ATP2C2: variants seen among roughly 807,000 people sequenced by gnomAD.
ATP2C2 encodes the protein calcium-transporting ATPase type 2C member 2.
Under a neutral mutation model 110.8 loss-of-function variants are expected in ATP2C2, and 171 were observed. The observed-to-expected ratio is 1.54, with a 90% CI of 1.36 to 1.75. The LOEUF is 1.75. Among genes scored for constraint, ATP2C2 ranks in the 40% most tolerant of loss-of-function variants. The pLI is 0.00. For missense variants in ATP2C2, 1,963 were observed against 1,235.0 expected, an observed-to-expected ratio of 1.59 and a Z score of -8.84; for synonymous variants, 804 against 508.4, an observed-to-expected ratio of 1.58 and a Z score of -7.82.
At chr16:84,434,288 C>T (rs960376125) in intron 11 of ATP2C2, among the ~76,000 whole-genome samples, 2 of 150,948 alleles carry the variant, frequency 1.3e-5, no homozygotes, top group Admixed American at 6.6e-5. Flanking sequence ...TGGTGGTGGG[C>T]GCCTGTAGTC....
At chr16:84,412,108 G>A (rs992834953) in intron 6 of ATP2C2, among the ~76,000 whole-genome samples, 1 of 151,976 alleles carries the variant, frequency 6.6e-6, no homozygotes, top group African/African-American at 2.4e-5. Flanking sequence ...CTGCCTCCAG[G>A]GCTCAAGTGA....
At chr16:84,433,289 G>A (rs966681122) in intron 11 of ATP2C2, among the ~76,000 whole-genome samples, 9 of 152,000 alleles carry the variant, frequency 5.9e-5, no homozygotes, top group South Asian at 2.1e-4. Flanking sequence ...AGGCTGAGGC[G>A]GGAGGATTGC....
chr16:84,422,439 C>T lies in ATP2C2; in HGVS notation c.674C>T (p.Pro225Leu). 6.2e-7 allele frequency: 1 copy of T among 1,614,148 alleles called. No homozygotes were observed. Among genetic ancestry groups the T allele is most frequent in the Non-Finnish European group, 8.5e-7 (1 of 1,180,030 alleles). ...TCCAGTTTCACCGGGGAAGCCGAGC[C>T]ATGTAGTAAAACAGACAGCCCCTTG... The part of the protein sequence containing the change: ...DESSFTGEAE[P>L]CSKTDSPLTG... Residue 225 changes from proline (P) to leucine (L), a missense_variant, in exon 8 of 27, where the codon CCA becomes CTA. Coordinates refer to ENST00000262429, the MANE Select transcript of ATP2C2 (RefSeq NM_014861.4).
intron 2 of ATP2C2, among the ~76,000 whole-genome samples, chr16:84,402,432 C>A (rs1905389335): frequency 6.6e-6 from 1 of 152,090 alleles, no homozygotes; most frequent in South Asian, 2.1e-4. Flanking sequence ...TGACACTAGC[C>A]CTGGGTCTGT....
At chr16:84,442,641 C>A in intron 15 of ATP2C2, 42 bp downstream of exon 15, 1 of 1,580,016 alleles carries the variant, frequency 6.3e-7, no homozygotes, top group Non-Finnish European at 8.7e-7. Context: ...TTCTTTCGCT[C>A]GGGGCTGGAT....
intron 1 of ATP2C2, among the ~76,000 whole-genome samples, chr16:84,397,673 A>G (rs1237780311): frequency 7.1e-6 from 1 of 140,512 alleles, no homozygotes; most frequent in African/African-American, 2.7e-5. Context: ...AAAAAAAAAA[A>G]CTTGCTTAAA....
At chr16:84,393,874 G>A (rs552430190) in intron 1 of ATP2C2, among the ~76,000 whole-genome samples, 2 of 151,990 alleles carry the variant, frequency 1.3e-5, no homozygotes, top group East Asian at 1.9e-4. Flanking sequence ...AAAACAAAAA[G>A]GCTAGGCATG....
Position 84,446,710 on chromosome 16 carries a change from C to G in ATP2C2, c.1503+280C>G, listed in dbSNP as rs115456090. ...GAAATGCAGAATCTCAGGTTCCATG[C>G]CAGACCTCCTGAGTCGAAGGGTCCA... On this transcript the variant is annotated intron_variant, in intron 16 of 26. Coordinates refer to ENST00000262429, the MANE Select transcript of ATP2C2 (RefSeq NM_014861.4). Among the ~76,000 whole-genome samples the G allele has an allele frequency of 4.5e-3, 680 of 152,274 alleles. 5 individuals carry two copies. Among genetic ancestry groups the G allele is most frequent in the African/African-American group, 0.013 (552 of 41,554 alleles).
intron 3 of ATP2C2, among the ~76,000 whole-genome samples, chr16:84,405,888 C>T (rs574558921): frequency 1.3e-5 from 2 of 152,278 alleles, no homozygotes; most frequent in African/African-American, 4.8e-5. Context: ...CCACTGTGCT[C>T]CAGCCTGGAC....
intron 11 of ATP2C2, among the ~76,000 whole-genome samples, chr16:84,435,476 G>A (rs1224635098): frequency 6.6e-6 from 1 of 152,190 alleles, no homozygotes. Context: ...TCTTCATGCA[G>A]CAAATATTTA....
At chr16:84,400,195 C>T (rs1453017890) in intron 2 of ATP2C2, among the ~76,000 whole-genome samples, 7 of 152,114 alleles carry the variant, frequency 4.6e-5, no homozygotes, top group Admixed American at 4.6e-4. Flanking sequence ...CCTTCCAAAC[C>T]TTGGCTATTG....
Position 84,446,430 on chromosome 16 carries a change from G to GA in ATP2C2, c.1503_1503+1insA (p.Asp502ArgfsTer75). On this transcript the variant is annotated frameshift_variant and splice_region_variant. Coordinates refer to ENST00000262429, the MANE Select transcript of ATP2C2 (RefSeq NM_014861.4). LOFTEE classifies it high-confidence loss of function. ...CGGTGAAATGCAGTCTGAAGACTGA[G>GA]GTGAGACCTTTCAATCTTCAACCTC... 1 of 1,580,822 alleles carries GA rather than the reference G, an allele frequency of 6.3e-7. No individual in the cohort carries two copies. The highest frequency in any genetic ancestry group is 8.6e-7 in the Non-Finnish European group (1 of 1,164,948).
Position 84,451,923 on chromosome 16 carries a change from C to T in ATP2C2, c.1663C>T (p.Leu555=), listed in dbSNP as rs1463453905. 5.6e-6 allele frequency: 9 copies of T among 1,613,734 alleles called. No homozygotes were observed. The highest frequency in any genetic ancestry group is 8.5e-7 in the Non-Finnish European group (1 of 1,179,924). The change falls in exon 18 of 27, where the codon CTG becomes TTG. Residue 555 remains leucine, a splice_region_variant and synonymous_variant. Coordinates refer to ENST00000262429, the MANE Select transcript of ATP2C2 (RefSeq NM_014861.4). ...CCTTACTCCCCCTCTCTCCTCAGTG[C>T]TGGCCCTGGCTTCTGGGCCCGAGCT... ...KRMGSLGLRV[L]ALASGPELGR... is the part of the protein sequence containing the mutation.
chr16:84,459,036 C>T (rs767116411), intron 21 of ATP2C2, 84 bp from the exon 22 acceptor site: 78 of 1,464,552 alleles, frequency 5.3e-5, no homozygotes, highest in Non-Finnish European at 7.0e-5. Context: ...GGGCGAGTCA[C>T]CACTGCCCCT....
chr16:84,381,084 G>A (rs1353682741), intron 1 of ATP2C2, among the ~76,000 whole-genome samples: 3 of 152,174 alleles, frequency 2.0e-5, no homozygotes, highest in African/African-American at 4.8e-5. Context: ...GGGTGCAGGC[G>A]GGCTGAGTCC....
At chr16:84,408,811 G>T (rs1158218886) in intron 4 of ATP2C2, among the ~76,000 whole-genome samples, 1 of 151,874 alleles carries the variant, frequency 6.6e-6, no homozygotes, top group East Asian at 1.9e-4. Context: ...GCCTTCCGAA[G>T]AACAACACCT....
rs752823650 is a variant in ATP2C2 at position 84,459,272 on chromosome 16, G to C, written c.2219G>C (p.Ser740Thr). Residue 740 changes from serine to threonine, a missense_variant and splice_region_variant, in exon 23 of 27, where the codon AGC becomes ACC. By Grantham distance (58) the Ser-to-Thr change is moderately conservative. Coordinates refer to ENST00000262429, the MANE Select transcript of ATP2C2 (RefSeq NM_014861.4). ...KNFVRFQLST[S>T]ISALSLITLS... is the part of the protein sequence containing the mutation. ...GACTGGCTGCGTGTGCCCCGCAGGA[G>C]CATCTCCGCCCTGAGTCTCATCACT... 1 of 1,614,206 alleles carries C rather than the reference G, an allele frequency of 6.2e-7. No individual in the cohort carries two copies. The highest frequency in any genetic ancestry group is 1.1e-5 in the South Asian group (1 of 91,088).
chr16:84,380,387 T>C (rs1910505158), intron 1 of ATP2C2, among the ~76,000 whole-genome samples: 2 of 152,230 alleles, frequency 1.3e-5, no homozygotes, highest in Admixed American at 1.3e-4. Flanking sequence ...CTTCTTTTCC[T>C]GTCTAAACTT....
chr16:84,398,689 T>G, intron 2 of ATP2C2, 80 bp downstream of exon 2: 3 of 1,093,372 alleles, frequency 2.7e-6, no homozygotes, highest in Non-Finnish European at 3.9e-6. Context: ...CCCTGAACAG[T>G]GCTTTGAAAT....
Sources: gnomAD v4.1 joint callset for allele counts (sites outside exome capture counted in the v4.1 genomes callset) on GRCh38, gnomAD v4.1.1 for gene constraint, MANE v1.5 for transcripts, NCBI Gene and HGNC (gene_info 2026-07-23, HGNC 2026-07-21) for gene names.